The following TMEM268 variants were observed in gnomAD, a reference collection of about 807,000 sequenced individuals.
TMEM268 encodes transmembrane protein C9orf91.
Under a neutral mutation model 39.1 loss-of-function variants are expected in TMEM268, and 24 were observed. That is an observed-to-expected ratio of 0.61 (90% CI 0.44 to 0.86). The LOEUF (loss-of-function observed/expected upper bound fraction) is 0.86, where lower values mean the gene tolerates loss of function less well. Among genes scored for constraint, TMEM268 ranks in the 40% least tolerant of loss-of-function variants. The pLI, the probability that TMEM268 is intolerant of heterozygous loss-of-function variation, is 0.00. For synonymous variants in TMEM268, 176 were observed against 173.5 expected (o/e 1.01, Z -0.12); for missense variants, 409 against 428.6 (o/e 0.95, Z 0.40).
In TMEM268 at chr9:114,638,564, G is replaced by A. The variant is rs749703586; in HGVS notation, c.687G>A (p.Leu229=). The A allele has an allele frequency of 6.3e-7, 1 of 1,586,054 alleles. No homozygotes were observed. The change falls in exon 8 of 9, where the codon TTG becomes TTA. Residue 229 remains leucine (L), a synonymous_variant. Transcript: ENST00000288502. ...TSQESLLRSR[L]SQLCVVMETG... is the part of the protein sequence containing the mutation. ...TGCAGTCCTTGCTGAGAAGCAGATT[G>A]AGCCAGTTGTGTGTTGTCATGGAGA... is the stretch of plus-strand genomic sequence containing the variant.
chr9:114,611,550 G>GCGGCGGCGC lies in TMEM268; in HGVS notation c.-92_-84dup, dbSNP rs1554755508. 28 of 167,414 alleles carry GCGGCGGCGC rather than the reference G, an allele frequency of 1.7e-4. No individual in the cohort carries two copies. The highest frequency in any genetic ancestry group is 5.1e-4 in the African/African-American group (21 of 41,060). The allele number at this position is 167,414 out of a possible 1,614,324, so 10.4% of individuals were successfully genotyped here. The stretch of plus-strand genomic sequence containing the variant: ...TCCCGGGGTGGCGGCGGCGGCGGCG[G>GCGGCGGCGC]CGGCGGCGCGGGCGGTGAGTGTGCG... On this transcript the variant is annotated 5_prime_UTR_variant, in exon 1 of 9. Transcript: ENST00000288502.
chr9:114,616,305 G>T (rs1341924059), intron 1 of TMEM268, among the ~76,000 whole-genome samples: 1 of 151,758 alleles, frequency 6.6e-6, no homozygotes. Context: ...GTGAGCCACC[G>T]CGCCTGGCTT....
chr9:114,624,277 C>T, intron 2 of TMEM268, 73 bp from the exon 3 acceptor site: 1 of 1,539,874 alleles, frequency 6.5e-7, no homozygotes, highest in African/African-American at 1.4e-5. Flanking sequence ...GTGATGCCGC[C>T]AGGCTTCGGG....
intron 2 of TMEM268, chr9:114,622,427 C>T (rs1845981353): frequency 1.0e-6 from 1 of 985,340 alleles, no homozygotes. Flanking sequence ...ACCAGTGGCT[C>T]ACAGGGCCTT....
chr9:114,637,938 C>A (rs1009133781), intron 7 of TMEM268, among the ~76,000 whole-genome samples: 2 of 152,238 alleles, frequency 1.3e-5, no homozygotes, highest in African/African-American at 4.8e-5. Flanking sequence ...TCCTGTGTGG[C>A]CTCAGGCAGG....
intron 5 of TMEM268, 112 bp from the exon 6 acceptor site, chr9:114,633,655 TG>T: frequency 1.8e-6 from 1 of 546,054 alleles, no homozygotes; most frequent in Non-Finnish European, 3.3e-6. Context: ...GTCCTGAGGG[TG>T]GGGATTGTCC....
upstream of TMEM268, among the ~76,000 whole-genome samples, chr9:114,610,073 CTT>C (rs1386673269): frequency 1.4e-4 from 21 of 150,482 alleles, 1 homozygote; most frequent in African/African-American, 5.1e-4. Flanking sequence ...GAGTTTTGCT[CTT>C]GTTGCCCAGG....
chr9:114,626,891 C>T lies in TMEM268; in HGVS notation c.217-8C>T. 1.3e-6 allele frequency: 2 copies of T among 1,597,388 alleles called. No individual in the cohort carries two copies. The highest frequency in any genetic ancestry group is 1.7e-6 in the Non-Finnish European group (2 of 1,166,124). On this transcript the variant is annotated splice_polypyrimidine_tract_variant and splice_region_variant and intron_variant, in intron 3 of 8. Transcript: ENST00000288502. Reference sequence around the variant, plus strand: ...GCTGATTGATCTCTTTCCCTGGGTTCCAAGCAGGTCCCGGCTGACCAGTAC... The same window carrying T: ...GCTGATTGATCTCTTTCCCTGGGTTTCAAGCAGGTCCCGGCTGACCAGTAC...
chr9:114,629,807 C>T (rs927673834), intron 5 of TMEM268, among the ~76,000 whole-genome samples: 5 of 152,118 alleles, frequency 3.3e-5, no homozygotes, highest in African/African-American at 7.2e-5. Flanking sequence ...CCACTTAGTG[C>T]GTGTGTTCAC....
chr9:114,632,248 A>T (rs908006318), intron 5 of TMEM268, among the ~76,000 whole-genome samples: 4 of 152,134 alleles, frequency 2.6e-5, no homozygotes, highest in African/African-American at 9.7e-5. Flanking sequence ...AGTCTTGAAC[A>T]TGCAGAATGG....
At position 114,638,569 on chromosome 9, in the gene TMEM268, A is replaced by G. The variant is rs1488005454; in HGVS notation, c.692A>G (p.Gln231Arg). 1.3e-6 allele frequency: 2 copies of G among 1,591,682 alleles called. No homozygotes were observed. The highest frequency in any genetic ancestry group is 2.7e-5 in the African/African-American group (2 of 73,652). Residue 231 changes from glutamine to arginine, a missense_variant, in exon 8 of 9, where the codon CAG becomes CGG. Physicochemically the swap from Gln to Arg is conservative, Grantham distance 43. Coordinates refer to ENST00000288502, the MANE Select transcript of TMEM268 (RefSeq NM_153045.4). ...TCCTTGCTGAGAAGCAGATTGAGCC[A>G]GTTGTGTGTTGTCATGGAGACTGGG... ...QESLLRSRLS[Q>R]LCVVMETGVS...
Position 114,638,583 on chromosome 9 carries a change from A to T in TMEM268, c.706A>T (p.Met236Leu). Reference sequence around the variant, plus strand: ...CAGATTGAGCCAGTTGTGTGTTGTCATGGAGACTGGGGTGAGCCCTGCAAC... The same window carrying T: ...CAGATTGAGCCAGTTGTGTGTTGTCTTGGAGACTGGGGTGAGCCCTGCAAC... ...RSRLSQLCVV[M>L]ETGVSPATAE... The change falls in exon 8 of 9, where the codon ATG becomes TTG. Residue 236 changes from methionine to leucine, a missense_variant. Transcript: ENST00000288502. 1 of 1,602,416 alleles carries T rather than the reference A, an allele frequency of 6.2e-7. No individual in the cohort carries two copies.
At chr9:114,606,139 C>T in the TMEM268 span, among the ~76,000 whole-genome samples, 2 of 152,026 alleles carry the variant, frequency 1.3e-5, no homozygotes, top group Non-Finnish European at 2.9e-5. Flanking sequence ...CTTCAACTGC[C>T]CTTGCCTCTT....
chr9:114,633,485 T>A (rs1368253690), intron 5 of TMEM268, among the ~76,000 whole-genome samples: 2 of 152,130 alleles, frequency 1.3e-5, no homozygotes, highest in Non-Finnish European at 2.9e-5. Context: ...TTAAACAATT[T>A]TTTATAGAGA....
chr9:114,623,294 C>T (rs752143782), intron 2 of TMEM268, among the ~76,000 whole-genome samples: 2 of 152,164 alleles, frequency 1.3e-5, no homozygotes, highest in East Asian at 2.0e-4. Context: ...ATTACAGGCA[C>T]GTGCCACCAC....
In TMEM268 at chr9:114,643,222, G is replaced by A. The variant is rs373746692; in HGVS notation, c.938G>A (p.Arg313Gln). Residue 313 changes from arginine to glutamine, a missense_variant, in exon 9 of 9, where the codon CGA (arginine) becomes CAA (glutamine). Transcript: ENST00000288502. ...TSQLPQAMGT[R>Q]HTNSPRIPCP... ...CAGCTCCCTCAGGCAATGGGGACAC[G>A]ACACACGAACTCTCCGAGAATTCCA... is the stretch of plus-strand genomic sequence containing the variant. 5.4e-5 allele frequency: 87 copies of A among 1,614,034 alleles called. No individual in the cohort carries two copies. The highest frequency in any genetic ancestry group is 6.7e-5 in the Admixed American group (4 of 59,996).
intron 2 of TMEM268, 165 bp from the exon 3 acceptor site, chr9:114,624,185 A>C (rs1273875923): frequency 8.6e-6 from 12 of 1,396,670 alleles, no homozygotes; most frequent in Non-Finnish European, 1.1e-5. Flanking sequence ...CTTCCCAGTC[A>C]AATCCAGTCC....
chr9:114,623,376 C>G (rs929957210), intron 2 of TMEM268, among the ~76,000 whole-genome samples: 3 of 152,086 alleles, frequency 2.0e-5, no homozygotes, highest in African/African-American at 7.2e-5. Context: ...GAACTCCTGA[C>G]CTCAGGCGAT....
intron 6 of TMEM268, among the ~76,000 whole-genome samples, chr9:114,635,858 A>G (rs1208534278): frequency 6.6e-6 from 1 of 152,204 alleles, no homozygotes; most frequent in Admixed American, 6.5e-5. Context: ...AAGAGTGGCC[A>G]TGAGGTGACC....
Sources: gnomAD v4.1 joint callset for allele counts (sites outside exome capture counted in the v4.1 genomes callset) on GRCh38, gnomAD v4.1.1 for gene constraint, MANE v1.5 for transcripts, NCBI Gene and HGNC (gene_info 2026-07-23, HGNC 2026-07-21) for gene names.